Variants in SRGAP3 observed in about 807,000 individuals in gnomAD.
SRGAP3 encodes SLIT-ROBO Rho GTPase activating protein 3, also known as SLIT-ROBO Rho GTPase-activating protein 3.
SRGAP3 carries 39 observed loss-of-function variants against 121.1 expected under a neutral mutation model. That is an observed-to-expected ratio of 0.32 (90% CI 0.25 to 0.42). The LOEUF (loss-of-function observed/expected upper bound fraction) is 0.42, where lower values mean the gene tolerates loss of function less well. SRGAP3 is among the 10% of genes least tolerant of loss of function. SRGAP3 has a pLI of 1.00. For synonymous variants in SRGAP3, 601 were observed against 570.0 expected, an observed-to-expected ratio of 1.05 and a Z score of -0.77; for missense variants, 1,213 against 1,470.6, an observed-to-expected ratio of 0.82 and a Z score of 2.86.
intron 1 of SRGAP3, among the ~76,000 whole-genome samples, chr3:9,130,926 C>A (rs1949421140): frequency 6.6e-6 from 1 of 152,214 alleles, no homozygotes; most frequent in Non-Finnish European, 1.5e-5. Flanking sequence ...TTCACACAAC[C>A]AGCTGGAGCC....
At chr3:9,250,757 A>G (rs1953992739), upstream of SRGAP3, among the ~76,000 whole-genome samples, 1 of 152,168 alleles carries the variant, frequency 6.6e-6, no homozygotes, top group Non-Finnish European at 1.5e-5. Context: ...CAGATATGGG[A>G]AGTGACTTAC....
At position 8,985,657 on chromosome 3, in the gene SRGAP3, C is replaced by T. The variant is rs763590905; in HGVS notation, c.3162G>A (p.Pro1054=). 3.1e-6 allele frequency: 5 copies of T among 1,595,176 alleles called. No homozygotes were observed. In the African/African-American group the frequency reaches 4.0e-5, roughly 13 times the overall value. The change falls in exon 22 of 22, where the codon CCG becomes CCA. Residue 1054 remains proline (P), a synonymous_variant. Transcript: ENST00000383836. This position sits in a 1 kb window ranked among gnomAD's most constrained non-coding sequence, Gnocchi z 5.1. ...SARLAGAQLR[P]PPMRPVRPVV... is the part of the protein sequence containing the mutation. Reference sequence around the variant, plus strand: ...CCGGCCGCACGGGCCGCATGGGGGGCGGGCGGAGCTGGGCGCCAGCCAGGC... The same window carrying T: ...CCGGCCGCACGGGCCGCATGGGGGGTGGGCGGAGCTGGGCGCCAGCCAGGC...
At chr3:8,992,022 CCTT>C (rs1167767705) in intron 20 of SRGAP3, among the ~76,000 whole-genome samples, 3 of 152,336 alleles carry the variant, frequency 2.0e-5, no homozygotes, top group African/African-American at 7.2e-5. Flanking sequence ...ACTTCCCTGA[CCTT>C]CTCAATTCCA....
chr3:9,021,051 A>T (rs1943888255), intron 14 of SRGAP3, among the ~76,000 whole-genome samples: 1 of 152,192 alleles, frequency 6.6e-6, no homozygotes, highest in African/African-American at 2.4e-5. Flanking sequence ...AGTCTCTCTC[A>T]TGAGGGCAGT....
chr3:9,334,901 A>G (rs73126631), intron 1 of SRGAP3, among the ~76,000 whole-genome samples: 1 of 152,172 alleles, frequency 6.6e-6, no homozygotes, highest in Non-Finnish European at 1.5e-5. Context: ...GGTTGTTGGG[A>G]TAACGGGTGT....
intron 3 of SRGAP3, among the ~76,000 whole-genome samples, chr3:9,301,269 G>T (rs1178427410): frequency 1.3e-5 from 2 of 152,212 alleles, no homozygotes; most frequent in African/African-American, 4.8e-5. Context: ...AGATAGACTG[G>T]CCTGAGTCAC....
intron 1 of SRGAP3, among the ~76,000 whole-genome samples, chr3:9,228,833 C>T (rs539235145): frequency 9.2e-5 from 14 of 151,712 alleles, no homozygotes; most frequent in East Asian, 1.9e-4. Context: ...GAGGCCGAGG[C>T]GGGTGGATCA....
chr3:9,275,872 G>A (rs1223830011), intron 3 of SRGAP3, among the ~76,000 whole-genome samples: 1 of 152,102 alleles, frequency 6.6e-6, no homozygotes, highest in Non-Finnish European at 1.5e-5. Context: ...AGGTGAGGCA[G>A]ATACTAAGGG....
Position 9,124,712 on chromosome 3 carries a change from C to T in SRGAP3, c.260+13G>A, listed in dbSNP as rs765389676. The T allele has an allele frequency of 2.5e-6, 4 of 1,613,766 alleles. No homozygotes were observed. The highest frequency in any genetic ancestry group is 3.4e-6 in the Non-Finnish European group (4 of 1,180,042). On this transcript the variant is annotated intron_variant, in intron 2 of 21. Transcript: ENST00000383836. ...TGCCTCCCATCTCTGTGCACCCATA[C>T]CCAACTTCTTACTTGAACTGGTGCT...
chr3:9,178,001 C>G (rs558264097), intron 1 of SRGAP3, among the ~76,000 whole-genome samples: 2 of 152,284 alleles, frequency 1.3e-5, no homozygotes, highest in East Asian at 3.9e-4. Flanking sequence ...GGCGTGGTGG[C>G]TCACACCTGT....
chr3:9,027,944 C>A lies in SRGAP3; in HGVS notation c.1540-949G>T, dbSNP rs147248769. 1.9e-3 allele frequency among the ~76,000 whole-genome samples: 297 copies of A among 152,320 alleles called. 1 individual carries two copies. The highest frequency in any genetic ancestry group is 6.9e-3 in the African/African-American group (285 of 41,566). ...GATATGTTCTTGGCTCCTCCACACC[C>A]CACCTGTGAATTCTTTCCTTGATTG... On this transcript the variant is annotated intron_variant, in intron 12 of 21. Coordinates refer to ENST00000383836, the MANE Select transcript of SRGAP3 (RefSeq NM_014850.4).
At chr3:8,994,286 T>C in intron 19 of SRGAP3, 57 bp downstream of exon 19, 3 of 1,608,188 alleles carry the variant, frequency 1.9e-6, no homozygotes, top group Non-Finnish European at 2.5e-6. Flanking sequence ...ACGGTGCCCA[T>C]CCCAGACATC....
chr3:9,233,238 T>A (rs1365587638), intron 1 of SRGAP3, among the ~76,000 whole-genome samples: 1 of 152,250 alleles, frequency 6.6e-6, no homozygotes, highest in Non-Finnish European at 1.5e-5. Flanking sequence ...GAAAAGTTAA[T>A]GACTTTCATC....
At chr3:9,063,490 T>C (rs1020611829) in intron 5 of SRGAP3, among the ~76,000 whole-genome samples, 5 of 151,840 alleles carry the variant, frequency 3.3e-5, no homozygotes, top group Non-Finnish European at 5.9e-5. Flanking sequence ...GCAACATCTA[T>C]TCAAATTCTT....
Position 9,296,105 on chromosome 3 carries a change from T to C in SRGAP3, n.442+29905A>G, listed in dbSNP as rs143753262. Among the ~76,000 whole-genome samples, 338 of 152,354 alleles carry C rather than the reference T, an allele frequency of 2.2e-3. 2 individuals are homozygous for C. The highest frequency in any genetic ancestry group is 0.02 in the Middle Eastern group (6 of 294). ...CAAAGAATGCTGCTATGAACATTAG[T>C]ATCTAAATATTTGTTCAAGTTCATA... On this transcript the variant is annotated intron_variant and non_coding_transcript_variant, in intron 3 of 3. Transcript: ENST00000490889.
chr3:9,344,386 C>T (rs984177731), intron 1 of SRGAP3, among the ~76,000 whole-genome samples: 2 of 152,028 alleles, frequency 1.3e-5, no homozygotes, highest in African/African-American at 4.8e-5. Flanking sequence ...ACCTGGGAGG[C>T]AGAGGTTGCA....
intron 1 of SRGAP3, among the ~76,000 whole-genome samples, chr3:9,153,765 T>C (rs1421747814): frequency 6.6e-6 from 1 of 152,234 alleles, no homozygotes; most frequent in African/African-American, 2.4e-5. Flanking sequence ...TATTATTGTA[T>C]ACATTATACA....
At chr3:9,001,449 A>G (rs1404525221) in intron 18 of SRGAP3, among the ~76,000 whole-genome samples, 1 of 152,250 alleles carries the variant, frequency 6.6e-6, no homozygotes, top group Middle Eastern at 3.2e-3. Context: ...TTTAAATGCT[A>G]TATTAGAAAA....
rs931667862 is a variant in SRGAP3 at position 9,069,850 on chromosome 3, G to A, written c.487-5269C>T. Reference sequence around the variant, plus strand: ...TACTCCTAGCTACTCAGGAGGCTGAGGCAGGAGAATAGCTTGAACCCAGGA... The same window carrying A: ...TACTCCTAGCTACTCAGGAGGCTGAAGCAGGAGAATAGCTTGAACCCAGGA... On this transcript the variant is annotated intron_variant, in intron 4 of 21. Coordinates refer to ENST00000383836, the MANE Select transcript of SRGAP3 (RefSeq NM_014850.4). Among the ~76,000 whole-genome samples the A allele has an allele frequency of 3.3e-5, 5 of 152,318 alleles. No individual in the cohort carries two copies. The South Asian group carries it at 1.0e-3, about 32-fold the overall frequency.
Sources: allele counts gnomAD v4.1 joint callset (sites outside exome capture counted in the v4.1 genomes callset), GRCh38; gene constraint gnomAD v4.1.1; non-coding constraint Gnocchi (gnomAD v3.1); transcripts MANE v1.5; gene names NCBI Gene and HGNC (gene_info 2026-07-23, HGNC 2026-07-21).